HEG1: variants seen among roughly 807,000 people sequenced by gnomAD.
HEG1 encodes heart development protein with EGF like domains 1.
A neutral mutation model predicts 125.6 loss-of-function variants in HEG1; 56 were observed. The observed-to-expected ratio is 0.45, with a 90% CI of 0.36 to 0.56. The LOEUF is 0.56. Ranked by LOEUF, HEG1 falls within the 20% of genes least tolerant of loss-of-function variation. The pLI, the probability that HEG1 is intolerant of heterozygous loss-of-function variation, is 0.00. For synonymous variants in HEG1, 644 were observed against 668.5 expected (o/e 0.96, Z 0.57); for missense variants, 1,523 against 1,670.0 (o/e 0.91, Z 1.53).
intron 11 of HEG1, 70 bp from the exon 12 acceptor site, chr3:124,997,893 A>G (rs1381959147): frequency 1.4e-6 from 2 of 1,449,110 alleles, no homozygotes; most frequent in Admixed American, 4.9e-5. Context: ...AATCTCCTCC[A>G]CTTCAAAGCT....
chr3:125,055,173 G>A (rs1674483475), intron 1 of HEG1, among the ~76,000 whole-genome samples: 2 of 152,178 alleles, frequency 1.3e-5, no homozygotes, highest in South Asian at 4.1e-4. Flanking sequence ...AGATGAGAAA[G>A]TCGAGCCCTG....
At position 124,995,065 on chromosome 3, in the gene HEG1, G is replaced by A. The variant is rs182524977; in HGVS notation, c.3652+2624C>T. 4.6e-3 allele frequency among the ~76,000 whole-genome samples: 696 copies of A among 152,286 alleles called. 3 individuals are homozygous for A. The highest frequency in any genetic ancestry group is 7.0e-3 in the Non-Finnish European group (476 of 68,020). Reference sequence around the variant, plus strand: ...TGTAATCCTAGCACTTTGGGAGGCCGAAGTGGGTGGATTGCTTGAGCCTAG... The same window carrying A: ...TGTAATCCTAGCACTTTGGGAGGCCAAAGTGGGTGGATTGCTTGAGCCTAG... On this transcript the variant is annotated intron_variant, in intron 12 of 16. Coordinates refer to ENST00000311127, the MANE Select transcript of HEG1 (RefSeq NM_020733.2).
chr3:125,038,231 G>A (rs902820257), intron 1 of HEG1, among the ~76,000 whole-genome samples: 1 of 152,148 alleles, frequency 6.6e-6, no homozygotes, highest in African/African-American at 2.4e-5. Context: ...TAGACAAATG[G>A]CTGCAGGAAC....
chr3:125,004,897 A>G (rs1437762441), intron 9 of HEG1, among the ~76,000 whole-genome samples: 1 of 152,216 alleles, frequency 6.6e-6, no homozygotes, highest in Non-Finnish European at 1.5e-5. Flanking sequence ...ACAAGAGGAA[A>G]GTCACACAGC....
At chr3:124,998,637 T>C (rs1479979388) in intron 11 of HEG1, among the ~76,000 whole-genome samples, 1 of 152,238 alleles carries the variant, frequency 6.6e-6, no homozygotes, top group Non-Finnish European at 1.5e-5. Flanking sequence ...AGGGCCTTAT[T>C]CATCTCATGG....
At chr3:125,024,673 T>A (rs1937389604) in intron 3 of HEG1, among the ~76,000 whole-genome samples, 2 of 152,246 alleles carry the variant, frequency 1.3e-5, no homozygotes, top group South Asian at 4.1e-4. Context: ...AATTTGGTTT[T>A]GGAAGCAGGT....
At chr3:125,024,858 G>A (rs1473104993) in intron 3 of HEG1, among the ~76,000 whole-genome samples, 2 of 152,148 alleles carry the variant, frequency 1.3e-5, no homozygotes, top group African/African-American at 2.4e-5. Context: ...TCCAAATAAG[G>A]AGCCACCTCC....
intron 1 of HEG1, 89 bp downstream of exon 1, chr3:125,055,486 G>T: frequency 4.4e-6 from 4 of 915,364 alleles, no homozygotes; most frequent in Non-Finnish European, 5.5e-6. Context: ...GCGCCGCGCG[G>T]AGGGGCCTAC....
At chr3:125,037,686 A>G (rs1039958166) in intron 1 of HEG1, among the ~76,000 whole-genome samples, 2 of 152,294 alleles carry the variant, frequency 1.3e-5, no homozygotes, top group Non-Finnish European at 2.9e-5. Flanking sequence ...TTACACCTCC[A>G]CTTCTCCTTA....
chr3:125,017,020 T>C (rs1009012219), intron 5 of HEG1, among the ~76,000 whole-genome samples: 32 of 152,102 alleles, frequency 2.1e-4, no homozygotes, highest in African/African-American at 5.8e-4. Context: ...CTGCAAATTA[T>C]ATATTTGATA....
At chr3:125,008,866 A>G (rs1234211585) in intron 8 of HEG1, among the ~76,000 whole-genome samples, 1 of 152,244 alleles carries the variant, frequency 6.6e-6, no homozygotes, top group Admixed American at 6.5e-5. Context: ...TTCTTCAACA[A>G]GTTATGTATT....
intron 12 of HEG1, among the ~76,000 whole-genome samples, chr3:124,996,541 G>T (rs553270868): frequency 7.1e-4 from 108 of 152,352 alleles, no homozygotes; most frequent in African/African-American, 2.3e-3. Context: ...CCAACACAGA[G>T]AGTTGGCCCT....
intron 7 of HEG1, 23 bp downstream of exon 7, chr3:125,010,416 C>T: frequency 6.8e-7 from 1 of 1,472,436 alleles, no homozygotes; most frequent in Non-Finnish European, 9.3e-7. Flanking sequence ...GTGCAGACCA[C>T]TGGGCGTTAC....
At chr3:125,018,268 C>A (rs1937283855) in intron 5 of HEG1, among the ~76,000 whole-genome samples, 1 of 152,040 alleles carries the variant, frequency 6.6e-6, no homozygotes, top group Admixed American at 6.6e-5. Flanking sequence ...GGGAAAGACA[C>A]AAAGGACCAC....
At chr3:124,991,621 T>C (rs1052287458) in intron 12 of HEG1, among the ~76,000 whole-genome samples, 1 of 152,124 alleles carries the variant, frequency 6.6e-6, no homozygotes, top group Non-Finnish European at 1.5e-5. Flanking sequence ...GTTGTAATTA[T>C]TATTACTTTT....
In HEG1 at chr3:125,055,825, C is replaced by T; in HGVS notation, c.66G>A (p.Leu22=). The change falls in exon 1 of 17, where the codon CTG becomes CTA. Residue 22 remains leucine, a synonymous_variant. Coordinates refer to ENST00000311127, the MANE Select transcript of HEG1 (RefSeq NM_020733.2). ...PLLLLLLPLL[L]LPPAAPGTRD... ...GCGTCCCGGGGGCCGCCGGCGGCAG[C>T]AGCAGCAGCGGCAGCAACAGCAGCA... 1 of 983,652 alleles carries T rather than the reference C, an allele frequency of 1.0e-6. No homozygotes were observed. Among genetic ancestry groups the T allele is most frequent in the Non-Finnish European group, 1.2e-6 (1 of 829,046 alleles). 60.9% of individuals were successfully genotyped at this position (983,652 alleles called of 1,614,324 possible).
intron 1 of HEG1, among the ~76,000 whole-genome samples, chr3:125,044,761 G>A (rs952013540): frequency 6.6e-6 from 1 of 152,192 alleles, no homozygotes; most frequent in African/African-American, 2.4e-5. Context: ...CAGAGAAAGG[G>A]TAACATGTAC....
chr3:124,994,341 T>C (rs971680197), intron 12 of HEG1, among the ~76,000 whole-genome samples: 3 of 152,140 alleles, frequency 2.0e-5, no homozygotes, highest in African/African-American at 7.2e-5. Flanking sequence ...ACTGGTAGGG[T>C]TGGGGACCCC....
chr3:125,036,856 C>T (rs1937552354), intron 1 of HEG1, among the ~76,000 whole-genome samples: 1 of 152,136 alleles, frequency 6.6e-6, no homozygotes, highest in Non-Finnish European at 1.5e-5. Context: ...GGTAAAAATA[C>T]AATTAACACA....
Sources: gnomAD v4.1 joint callset for allele counts (sites outside exome capture counted in the v4.1 genomes callset) on GRCh38, gnomAD v4.1.1 for gene constraint, MANE v1.5 for transcripts, NCBI Gene and HGNC (gene_info 2026-07-23, HGNC 2026-07-21) for gene names.